DPYD: variants seen among roughly 807,000 people sequenced by gnomAD.
DPYD encodes dihydropyrimidine dehydrogenase [NADP(+)].
DPYD carries 109 observed loss-of-function variants against 116.2 expected under a neutral mutation model. That is an observed-to-expected ratio of 0.94 (90% CI 0.80 to 1.10). The LOEUF (loss-of-function observed/expected upper bound fraction) is 1.10, where lower values mean the gene tolerates loss of function less well. Among genes scored for constraint, DPYD ranks in the 50% least tolerant of loss-of-function variants. The pLI, the probability that DPYD is intolerant of heterozygous loss-of-function variation, is 0.00. For missense variants in DPYD, 1,302 were observed against 1,254.5 expected, an observed-to-expected ratio of 1.04 and a Z score of -0.57; for synonymous variants, 440 against 432.0, an observed-to-expected ratio of 1.02 and a Z score of -0.23.
At chr1:97,672,587 A>G (rs1004924231) in intron 8 of DPYD, among the ~76,000 whole-genome samples, 4 of 152,236 alleles carry the variant, frequency 2.6e-5, no homozygotes, top group African/African-American at 9.6e-5. Context: ...AAAATAATCT[A>G]TTCATAGTTG....
intron 3 of DPYD, among the ~76,000 whole-genome samples, chr1:97,798,736 G>T (rs1321736064): frequency 6.6e-6 from 1 of 151,830 alleles, no homozygotes; most frequent in African/African-American, 2.4e-5. Context: ...AATAAAGCTT[G>T]TTGTTATTGT....
chr1:97,232,832 G>A (rs1661667195), intron 19 of DPYD, among the ~76,000 whole-genome samples: 1 of 152,060 alleles, frequency 6.6e-6, no homozygotes, highest in Non-Finnish European at 1.5e-5. Flanking sequence ...GCTTGTTAAT[G>A]CAATTTTATA....
intron 2 of DPYD, chr1:97,856,702 T>C (rs2101581495): frequency 6.6e-6 from 1 of 152,426 alleles, no homozygotes; most frequent in East Asian, 1.9e-4. Flanking sequence ...GGTGTGCAAA[T>C]GCAAGGCCTC....
chr1:97,573,996 A>T (rs1206920322), intron 10 of DPYD, 26 bp from the exon 11 acceptor site: 1 of 1,611,910 alleles, frequency 6.2e-7, no homozygotes, highest in East Asian at 2.2e-5. Context: ...ACAGAGAAGA[A>T]ACTTGAAAAT....
At position 97,317,138 on chromosome 1, in the gene DPYD, T is replaced by C. The variant is rs568925184; in HGVS notation, c.2059-10841A>G. Among the ~76,000 whole-genome samples the C allele has an allele frequency of 8.5e-5, 13 of 152,128 alleles. No homozygotes were observed. In the South Asian group the frequency reaches 2.1e-3, roughly 24 times the overall value. ...TGGGCCAAAAAATGAGCTTGAACTT[T>C]CTTTATGTGTGGGATATTATTTATC... On this transcript the variant is annotated intron_variant, in intron 16 of 22. Coordinates refer to ENST00000370192, the MANE Select transcript of DPYD (RefSeq NM_000110.4).
intron 19 of DPYD, 92 bp from the exon 20 acceptor site, chr1:97,193,340 T>G: frequency 7.5e-7 from 1 of 1,332,744 alleles, no homozygotes; most frequent in Non-Finnish European, 1.0e-6. Flanking sequence ...ATATTTATTT[T>G]ATGTGCCAGG....
At chr1:97,584,099 C>G (rs560232154) in intron 10 of DPYD, among the ~76,000 whole-genome samples, 1 of 152,152 alleles carries the variant, frequency 6.6e-6, no homozygotes, top group South Asian at 2.1e-4. Flanking sequence ...TTTTAATGAT[C>G]GCCATTCTAA....
intron 8 of DPYD, among the ~76,000 whole-genome samples, chr1:97,608,903 G>T (rs1655766173): frequency 6.6e-6 from 1 of 151,776 alleles, no homozygotes; most frequent in Non-Finnish European, 1.5e-5. Context: ...CTCAGTTGCT[G>T]TTTAGAAACT....
At chr1:97,569,527 T>C (rs1296678885) in intron 11 of DPYD, among the ~76,000 whole-genome samples, 1 of 151,178 alleles carries the variant, frequency 6.6e-6, no homozygotes, top group East Asian at 1.9e-4. Context: ...ATGGACAATA[T>C]TTGTAAAGCA....
At chr1:97,660,187 A>G (rs572700271) in intron 8 of DPYD, among the ~76,000 whole-genome samples, 2 of 152,256 alleles carry the variant, frequency 1.3e-5, no homozygotes, top group East Asian at 3.9e-4. Flanking sequence ...ATTAATTACA[A>G]CCTGAGTATT....
chr1:97,161,554 C>A (rs538987036), intron 20 of DPYD, among the ~76,000 whole-genome samples: 49 of 151,676 alleles, frequency 3.2e-4, no homozygotes, highest in Non-Finnish European at 6.0e-4. Flanking sequence ...AACATGAAGT[C>A]TTTTTTAAAT....
intron 3 of DPYD, among the ~76,000 whole-genome samples, chr1:97,790,129 A>C (rs1447182908): frequency 6.6e-6 from 1 of 152,158 alleles, no homozygotes; most frequent in Non-Finnish European, 1.5e-5. Flanking sequence ...TACCTCCCTC[A>C]AGAAATCATC....
At position 97,593,334 on chromosome 1, in the gene DPYD, G is replaced by GT; in HGVS notation, c.1011dup (p.Leu338ThrfsTer9). On this transcript the variant is annotated frameshift_variant, in exon 10 of 23. Transcript: ENST00000370192. LOFTEE classifies it high-confidence loss of function. ...TCAAAGGCAGTGTCTCCAGCTCCAA[G>GT]TACAATCACGACTCCCCGTATCGAT... 1.1e-5 allele frequency: 18 copies of GT among 1,614,126 alleles called. No homozygotes were observed. Among genetic ancestry groups the GT allele is most frequent in the Non-Finnish European group, 1.5e-5 (18 of 1,180,006 alleles).
chr1:97,120,455 C>T (rs1461175867), intron 20 of DPYD, among the ~76,000 whole-genome samples: 1 of 152,120 alleles, frequency 6.6e-6, no homozygotes, highest in Non-Finnish European at 1.5e-5. Context: ...ATACCAGTCT[C>T]TTAGCGGACG....
intron 18 of DPYD, among the ~76,000 whole-genome samples, chr1:97,275,608 A>T (rs1332115194): frequency 6.6e-6 from 1 of 152,216 alleles, no homozygotes; most frequent in Non-Finnish European, 1.5e-5. Flanking sequence ...AAATTTCTAA[A>T]AATTGAGGTG....
intron 11 of DPYD, among the ~76,000 whole-genome samples, chr1:97,569,579 C>T (rs185751718): frequency 6.5e-4 from 99 of 151,742 alleles, no homozygotes; most frequent in South Asian, 1.9e-3. Flanking sequence ...CTCCTGATAG[C>T]CTTTACAGTC....
chr1:97,451,745 G>A (rs746445525), intron 13 of DPYD, among the ~76,000 whole-genome samples: 6 of 152,144 alleles, frequency 3.9e-5, no homozygotes, highest in African/African-American at 9.6e-5. Flanking sequence ...TGGGTACTCC[G>A]GTGTTTTCAT....
intron 10 of DPYD, among the ~76,000 whole-genome samples, chr1:97,585,636 A>G (rs1571007239): frequency 6.6e-6 from 1 of 152,140 alleles, no homozygotes; most frequent in African/African-American, 2.4e-5. Context: ...ATTCATGTGT[A>G]TTTTTCATTT....
intron 16 of DPYD, 50 bp from the exon 17 acceptor site, chr1:97,306,347 C>T: frequency 6.2e-7 from 1 of 1,609,488 alleles, no homozygotes; most frequent in Admixed American, 1.7e-5. Flanking sequence ...GAATTGTGAT[C>T]AAAATGTGTA....
Sources: allele counts gnomAD v4.1 joint callset (sites outside exome capture counted in the v4.1 genomes callset), GRCh38; gene constraint gnomAD v4.1.1; transcripts MANE v1.5; gene names NCBI Gene and HGNC (gene_info 2026-07-23, HGNC 2026-07-21).